TBC1D7: variants seen among roughly 807,000 people sequenced by gnomAD.
TBC1D7 encodes TBC1 domain family member 7.
TBC1D7 carries 33 observed loss-of-function variants against 35.3 expected under a neutral mutation model. The ratio of observed to expected loss-of-function variants is 0.93; its 90% CI spans 0.71 to 1.25. The LOEUF (loss-of-function observed/expected upper bound fraction) is 1.25. Among genes scored for constraint, TBC1D7 ranks in the 50% most tolerant of loss-of-function variants. The pLI is 0.00. For missense variants in TBC1D7, 362 were observed against 365.3 expected (o/e 0.99, Z 0.07); for synonymous variants, 135 against 129.5 (o/e 1.04, Z -0.29).
At chr6:13,318,910 G>C (rs1478464910) in intron 4 of TBC1D7, 1 of 152,182 alleles carries the variant, frequency 6.6e-6, no homozygotes, top group Non-Finnish European at 1.5e-5. Flanking sequence ...AAGTCTCAAA[G>C]TACTTCTCCA....
At chr6:13,322,775 C>T (rs879105031) in intron 3 of TBC1D7, among the ~76,000 whole-genome samples, 1 of 152,196 alleles carries the variant, frequency 6.6e-6, no homozygotes, top group Admixed American at 6.5e-5. Flanking sequence ...AGGGAACACA[C>T]TAAAGTGTCT....
At chr6:13,310,050 GA>G (rs1370534905) in intron 5 of TBC1D7, among the ~76,000 whole-genome samples, 2 of 152,216 alleles carry the variant, frequency 1.3e-5, no homozygotes, top group Non-Finnish European at 2.9e-5. Context: ...AGGCTGTAGG[GA>G]AACAATCTAC....
intron 5 of TBC1D7, among the ~76,000 whole-genome samples, chr6:13,313,751 C>T (rs1362244489): frequency 1.3e-5 from 2 of 152,050 alleles, no homozygotes; most frequent in Non-Finnish European, 2.9e-5. Context: ...ATTAGAATTC[C>T]AGGGCCCTAC....
At chr6:13,318,293 G>A (rs1783780598) in intron 4 of TBC1D7, 1 of 152,240 alleles carries the variant, frequency 6.6e-6, no homozygotes. Context: ...TGAGGATCAT[G>A]ACTGGGAGAC....
At chr6:13,318,100 T>C (rs1243891216) in intron 4 of TBC1D7, 1 of 152,300 alleles carries the variant, frequency 6.6e-6, no homozygotes, top group Non-Finnish European at 1.5e-5. Context: ...CCCCTCACCA[T>C]GTGATAGCCT....
rs534698820 is a variant in TBC1D7 at position 13,316,728 on chromosome 6, T to A, written c.382-20A>T. 3 of 1,612,120 alleles carry A rather than the reference T, an allele frequency of 1.9e-6. No homozygotes were observed. In the African/African-American group the frequency reaches 4.0e-5, roughly 22 times the overall value. On this transcript the variant is annotated intron_variant, in intron 4 of 7. Transcript: ENST00000379300. ...TGGCTCCTGAAAGATTAATAATAAA[T>A]CTCAAGAGGAAGGCAGTGAAAGAGA...
chr6:13,306,728 AAGG>A (rs1439614211), intron 6 of TBC1D7: 3 of 343,200 alleles, frequency 8.7e-6, no homozygotes, highest in Non-Finnish European at 1.6e-5. Context: ...TCAGCACTAG[AAGG>A]AGAAAGGAAA....
intron 5 of TBC1D7, among the ~76,000 whole-genome samples, chr6:13,308,739 T>C (rs1782984001): frequency 6.6e-6 from 1 of 152,258 alleles, no homozygotes; most frequent in Non-Finnish European, 1.5e-5. Flanking sequence ...ACCTTTACAA[T>C]GTCCACTATA....
At chr6:13,319,019 A>C (rs375057257) in intron 4 of TBC1D7, 10 of 152,356 alleles carry the variant, frequency 6.6e-5, no homozygotes, top group African/African-American at 2.2e-4. Flanking sequence ...GCAGCACAGT[A>C]ATGAGTCCCA....
intron 5 of TBC1D7, among the ~76,000 whole-genome samples, chr6:13,308,667 A>C (rs1399943202): frequency 7.3e-6 from 1 of 136,452 alleles, no homozygotes; most frequent in African/African-American, 2.8e-5. Context: ...ACTTAAGCAA[A>C]TGTAATGTTT....
chr6:13,305,165 G>T lies in TBC1D7; in HGVS notation c.818C>A (p.Ala273Glu). The change falls in exon 8 of 8, where the codon GCG becomes GAG. Residue 273 changes from alanine (A) to glutamate (E), a missense_variant. Transcript: ENST00000379300. ...CAAGTCAATGGCCTTGCTCACGATC[G>T]CGTCTGAGCTGTCCTGGGGAATCTG... ...LENIPQDSSD[A>E]IVSKAIDLWH... 6.2e-7 allele frequency: 1 copy of T among 1,614,096 alleles called. No individual in the cohort carries two copies. The highest frequency in any genetic ancestry group is 8.5e-7 in the Non-Finnish European group (1 of 1,180,006).
chr6:13,314,138 G>A (rs1783429419), intron 5 of TBC1D7, among the ~76,000 whole-genome samples: 1 of 151,702 alleles, frequency 6.6e-6, no homozygotes, highest in Non-Finnish European at 1.5e-5. Context: ...CCGGGAGGTG[G>A]AGCTTGCAGT....
At chr6:13,321,642 AT>A (rs1784050975) in intron 3 of TBC1D7, among the ~76,000 whole-genome samples, 1 of 152,210 alleles carries the variant, frequency 6.6e-6, no homozygotes, top group African/African-American at 2.4e-5. Flanking sequence ...TCCTTAACCC[AT>A]TTAAACATGG....
chr6:13,307,782 T>C (rs1037299785), intron 5 of TBC1D7, 37 bp from the exon 6 acceptor site: 1 of 1,597,658 alleles, frequency 6.3e-7, no homozygotes, highest in East Asian at 2.2e-5. Flanking sequence ...ATTCATTTTC[T>C]GTGTCATAAC....
Position 13,307,606 on chromosome 6 carries a change from A to C in TBC1D7, c.659T>G (p.Leu220Ter). Residue 220 changes from leucine to a stop codon, truncating the protein, a stop_gained, in exon 6 of 8, where the codon TTA becomes TGA. Coordinates refer to ENST00000379300, the MANE Select transcript of TBC1D7 (RefSeq NM_016495.6). LOFTEE classifies it high-confidence loss of function. ...CTTCGAAAGACCTACTTGCCTCTGTAAACTGGATTCAGGCAAACATCCCGC... is the reference window on the plus strand; with the variant it reads ...CTTCGAAAGACCTACTTGCCTCTGTCAACTGGATTCAGGCAAACATCCCGC... Reference protein sequence around the residue: ...CFAGCLPESSLQRVWDKVVSG... With the variant: ...CFAGCLPESS The C allele has an allele frequency of 1.2e-6, 2 of 1,614,108 alleles. No homozygotes were observed. Among genetic ancestry groups the C allele is most frequent in the Non-Finnish European group, 1.7e-6 (2 of 1,180,008 alleles).
chr6:13,309,487 T>A (rs974002791), intron 5 of TBC1D7, among the ~76,000 whole-genome samples: 1 of 152,216 alleles, frequency 6.6e-6, no homozygotes, highest in Admixed American at 6.5e-5. Context: ...TAATATAAAG[T>A]TTTAAATACA....
intron 5 of TBC1D7, 150 bp downstream of exon 5, chr6:13,316,421 T>G: frequency 1.2e-6 from 1 of 830,472 alleles, no homozygotes; most frequent in Non-Finnish European, 1.8e-6. Context: ...AATATTTAGA[T>G]TATATGGACT....
chr6:13,317,793 C>T (rs971293532), intron 4 of TBC1D7, among the ~76,000 whole-genome samples: 2 of 152,220 alleles, frequency 1.3e-5, no homozygotes, highest in Non-Finnish European at 2.9e-5. Context: ...TGTCGTCCTT[C>T]CTGGCCCTGT....
At chr6:13,309,630 T>A (rs1012188450) in intron 5 of TBC1D7, among the ~76,000 whole-genome samples, 1 of 152,218 alleles carries the variant, frequency 6.6e-6, no homozygotes, top group African/African-American at 2.4e-5. Flanking sequence ...AAAGAGGACA[T>A]AGACAGCAAG....
Sources: gnomAD v4.1 joint callset for allele counts (sites outside exome capture counted in the v4.1 genomes callset) on GRCh38, gnomAD v4.1.1 for gene constraint, MANE v1.5 for transcripts, NCBI Gene and HGNC (gene_info 2026-07-23, HGNC 2026-07-21) for gene names.